The following FBXL13 variants were observed in gnomAD, a reference collection of about 807,000 sequenced individuals.
The protein encoded by FBXL13 is F-box and leucine-rich repeat protein 13.
A neutral mutation model predicts 83.6 loss-of-function variants in FBXL13; 67 were observed. The observed-to-expected ratio is 0.80, with a 90% CI of 0.66 to 0.98. The LOEUF (loss-of-function observed/expected upper bound fraction) is 0.98, where lower values mean the gene tolerates loss of function less well. Ranked by LOEUF, FBXL13 falls within the 50% of genes least tolerant of loss-of-function variation. The pLI is 0.00. For synonymous variants in FBXL13, 272 were observed against 299.5 expected, an observed-to-expected ratio of 0.91 and a Z score of 0.95; for missense variants, 822 against 866.5, an observed-to-expected ratio of 0.95 and a Z score of 0.64.
intron 2 of FBXL13, chr7:103,050,208 G>C (rs1194634951): frequency 6.6e-6 from 1 of 152,084 alleles, no homozygotes; most frequent in Admixed American, 6.6e-5. Flanking sequence ...CGGGAGATAA[G>C]AGTAATTTTT....
intron 6 of FBXL13, among the ~76,000 whole-genome samples, chr7:103,010,177 C>A (rs1194354950): frequency 6.6e-6 from 1 of 152,082 alleles, no homozygotes; most frequent in African/African-American, 2.4e-5. Flanking sequence ...ACCTGGATGG[C>A]AGAGTGTGCA....
chr7:102,969,969 C>T (rs899995295), intron 6 of FBXL13, among the ~76,000 whole-genome samples: 1 of 152,002 alleles, frequency 6.6e-6, no homozygotes, highest in Non-Finnish European at 1.5e-5. Flanking sequence ...AAAGATCTCT[C>T]GCCAGGCACA....
intron 16 of FBXL13, among the ~76,000 whole-genome samples, chr7:102,869,377 C>G (rs183064242): frequency 6.6e-6 from 1 of 152,158 alleles, no homozygotes; most frequent in Admixed American, 6.5e-5. Context: ...GGATATTGAA[C>G]CCTTGTCACG....
intron 17 of FBXL13, among the ~76,000 whole-genome samples, chr7:102,836,370 A>C (rs1344774947): frequency 6.6e-6 from 1 of 152,218 alleles, no homozygotes; most frequent in Non-Finnish European, 1.5e-5. Flanking sequence ...TTAAACACAT[A>C]TAAGTCATAT....
chr7:103,066,695 T>C (rs1490392891), intron 1 of FBXL13, among the ~76,000 whole-genome samples: 1 of 152,150 alleles, frequency 6.6e-6, no homozygotes, highest in Non-Finnish European at 1.5e-5. Flanking sequence ...GCCCAGCCTA[T>C]GAATGTAATT....
intron 11 of FBXL13, among the ~76,000 whole-genome samples, chr7:102,885,327 G>A (rs1810651012): frequency 6.6e-6 from 1 of 152,068 alleles, no homozygotes; most frequent in African/African-American, 2.4e-5. Flanking sequence ...GCTTGAAGTG[G>A]TACTCCATTG....
chr7:102,928,398 T>C (rs1037944233), intron 9 of FBXL13, among the ~76,000 whole-genome samples: 6 of 152,230 alleles, frequency 3.9e-5, no homozygotes, highest in African/African-American at 1.4e-4. Context: ...ATATATTTCA[T>C]AGGATAAGCT....
At position 102,946,498 on chromosome 7, in the gene FBXL13, G is replaced by C. The variant is rs550167004; in HGVS notation, c.725-14565C>G. On this transcript the variant is annotated intron_variant, in intron 8 of 19. Coordinates refer to ENST00000313221, the Ensembl canonical transcript of FBXL13. ...AGGAGCAGGTACCAGGAAAGTGGGGGAGCACTCGTGAGGGCAGTTGGCAGG... is the reference window on the plus strand; with the variant it reads ...AGGAGCAGGTACCAGGAAAGTGGGGCAGCACTCGTGAGGGCAGTTGGCAGG... 2.6e-5 allele frequency among the ~76,000 whole-genome samples: 4 copies of C among 152,254 alleles called. No homozygotes were observed. In the East Asian group the frequency reaches 7.7e-4, roughly 29 times the overall value.
chr7:103,065,355 A>C (rs1798294359), intron 1 of FBXL13, among the ~76,000 whole-genome samples: 1 of 152,118 alleles, frequency 6.6e-6, no homozygotes, highest in South Asian at 2.1e-4. Context: ...TTTAAGGTAA[A>C]ATTTATATTA....
chr7:102,835,837 C>T (rs62484943), intron 17 of FBXL13, among the ~76,000 whole-genome samples: 1 of 151,752 alleles, frequency 6.6e-6, no homozygotes, highest in African/African-American at 2.4e-5. Flanking sequence ...TCTCGATCTC[C>T]TGACCTCGTG....
At chr7:102,953,030 G>A (rs1041743924) in intron 8 of FBXL13, among the ~76,000 whole-genome samples, 6 of 152,044 alleles carry the variant, frequency 3.9e-5, no homozygotes, top group Non-Finnish European at 8.8e-5. Context: ...CCAACAGAGA[G>A]CCTAGGACCA....
At chr7:102,907,545 C>A (rs1374444410) in intron 11 of FBXL13, among the ~76,000 whole-genome samples, 1 of 151,758 alleles carries the variant, frequency 6.6e-6, no homozygotes, top group Non-Finnish European at 1.5e-5. Flanking sequence ...TGTTCAACTC[C>A]CACCTATGAG....
At chr7:102,879,626 C>G (rs1189105663) in intron 14 of FBXL13, among the ~76,000 whole-genome samples, 1 of 152,124 alleles carries the variant, frequency 6.6e-6, no homozygotes, top group Non-Finnish European at 1.5e-5. Flanking sequence ...TTTTTTAATA[C>G]ACAAGCTGGG....
chr7:102,834,098 G>GGAAGGAAGGA (rs1432090797), intron 17 of FBXL13, among the ~76,000 whole-genome samples: 14 of 93,930 alleles, frequency 1.5e-4, no homozygotes, highest in African/African-American at 5.1e-4. Context: ...AAGAAAGAAA[G>GGAAGGAAGGA]AAAGAAAGAA....
chr7:102,937,002 G>T (rs1585033133), intron 8 of FBXL13, among the ~76,000 whole-genome samples: 2 of 151,248 alleles, frequency 1.3e-5, no homozygotes, highest in Middle Eastern at 3.4e-3. Context: ...TCAACTTATT[G>T]TTGTGTAAAC....
At chr7:102,965,481 G>A (rs1368667496) in intron 7 of FBXL13, among the ~76,000 whole-genome samples, 1 of 152,034 alleles carries the variant, frequency 6.6e-6, no homozygotes, top group Admixed American at 6.6e-5. Context: ...ACATGACAAA[G>A]CACACAAAAT....
At chr7:103,021,191 C>T (rs201432689) in intron 6 of FBXL13, among the ~76,000 whole-genome samples, 3 of 152,126 alleles carry the variant, frequency 2.0e-5, no homozygotes, top group African/African-American at 4.8e-5. Context: ...TATCTACAAC[C>T]ATCTGATCTT....
rs145854753 is a variant in FBXL13, at chr7:102,925,361, T to C, written c.878+913A>G. Among the ~76,000 whole-genome samples the C allele has an allele frequency of 3.7e-3, 568 of 152,246 alleles. 5 individuals carry two copies. Among genetic ancestry groups the C allele is most frequent in the African/African-American group, 0.013 (561 of 41,564 alleles). ...CGTAAGCCATGATTGTACCATTGCA[T>C]TGCAGCCTGGGTGACAGAGTAAGAC... On this transcript the variant is annotated intron_variant, in intron 10 of 19. Coordinates refer to ENST00000313221, the Ensembl canonical transcript of FBXL13.
intron 6 of FBXL13, among the ~76,000 whole-genome samples, chr7:102,983,421 C>CTTTTTTTTT (rs151066223): frequency 2.1e-5 from 3 of 145,444 alleles, no homozygotes; most frequent in Non-Finnish European, 4.5e-5. Context: ...TCTTTTTTCC[C>CTTTTTTTTT]CTTTTTTTTT....
Sources: allele counts gnomAD v4.1 joint callset (sites outside exome capture counted in the v4.1 genomes callset), GRCh38; gene constraint gnomAD v4.1.1; transcripts MANE v1.5; gene names NCBI Gene and HGNC (gene_info 2026-07-23, HGNC 2026-07-21).